The following TJP1 variants were observed in gnomAD, a reference collection of about 807,000 sequenced individuals.
The protein encoded by TJP1 is tight junction protein 1, also known as tight junction protein ZO-1.
Under a neutral mutation model 194.2 loss-of-function variants are expected in TJP1, and 43 were observed. The ratio of observed to expected loss-of-function variants is 0.22; its 90% CI spans 0.17 to 0.29. The LOEUF (loss-of-function observed/expected upper bound fraction) is 0.29. Among genes scored for constraint, TJP1 ranks in the 10% least tolerant of loss-of-function variants. TJP1 has a pLI of 1.00. For missense variants in TJP1, 1,971 were observed against 2,185.7 expected, an observed-to-expected ratio of 0.90 and a Z score of 1.96; for synonymous variants, 801 against 779.0, an observed-to-expected ratio of 1.03 and a Z score of -0.47.
At chr15:29,866,322 CT>C (rs2052301082) in intron 2 of TJP1, among the ~76,000 whole-genome samples, 1 of 152,208 alleles carries the variant, frequency 6.6e-6, no homozygotes. Flanking sequence ...AAGTCATTAA[CT>C]ATATTTACAG....
In TJP1 at chr15:29,744,329, G is replaced by A. The variant is rs116584078; in HGVS notation, c.1011-1548C>T. Among the ~76,000 whole-genome samples, 272 of 152,236 alleles carry A rather than the reference G, an allele frequency of 1.8e-3. 1 individual carries two copies. The highest frequency in any genetic ancestry group is 6.3e-3 in the African/African-American group (261 of 41,530). On this transcript the variant is annotated intron_variant, in intron 8 of 27. Coordinates refer to ENST00000614355, the MANE Select transcript of TJP1 (RefSeq NM_001330239.4). Reference sequence around the variant, plus strand: ...AATGGAAATTATCAAAACAAAAAATGTAACTAGGTCATACACTATAATTCC... The same window carrying A: ...AATGGAAATTATCAAAACAAAAAATATAACTAGGTCATACACTATAATTCC...
chr15:29,768,518 G>GT, intron 4 of TJP1, among the ~76,000 whole-genome samples: 1 of 152,282 alleles, frequency 6.6e-6, no homozygotes, highest in East Asian at 1.9e-4. Context: ...TATCATTCCT[G>GT]TAAGAGTGCG....
intron 1 of TJP1, among the ~76,000 whole-genome samples, chr15:29,814,035 T>C (rs951091834): frequency 6.6e-6 from 1 of 152,260 alleles, no homozygotes; most frequent in African/African-American, 2.4e-5. Flanking sequence ...AATTACTTTA[T>C]AATTCTTAAT....
At chr15:29,803,749 T>A (rs2048935729) in intron 1 of TJP1, among the ~76,000 whole-genome samples, 1 of 152,124 alleles carries the variant, frequency 6.6e-6, no homozygotes, top group South Asian at 2.1e-4. Flanking sequence ...AGAAACTTGC[T>A]TTGTACAAGG....
At chr15:29,817,271 A>C (rs2151980802) in intron 1 of TJP1, among the ~76,000 whole-genome samples, 1 of 152,324 alleles carries the variant, frequency 6.6e-6, no homozygotes, top group Admixed American at 6.5e-5. Context: ...GCAAATCAAA[A>C]CCACAATGAG....
chr15:29,720,394 T>G lies in TJP1; in HGVS notation c.2727A>C (p.Arg909Ser). The G allele has an allele frequency of 6.2e-7, 1 of 1,608,944 alleles. No homozygotes were observed. The highest frequency in any genetic ancestry group is 8.5e-7 in the Non-Finnish European group (1 of 1,177,394). The change falls in exon 19 of 28, where the codon AGA becomes AGC. Residue 909 changes from arginine (R) to serine (S), a missense_variant. By Grantham distance (110) the Arg-to-Ser change is moderately radical. Coordinates refer to ENST00000614355, the MANE Select transcript of TJP1 (RefSeq NM_001330239.4). ...SPQAQPQPIH[R>S]IDSPGFKPAS... ...CTGGCTTAAATCCAGGGGAGTCTATTCTATGAATTGGTTGTGGCTGCGCTT... is the reference window on the plus strand; with the variant it reads ...CTGGCTTAAATCCAGGGGAGTCTATGCTATGAATTGGTTGTGGCTGCGCTT...
chr15:29,938,864 C>T (rs1026358847), intron 2 of TJP1, among the ~76,000 whole-genome samples: 6 of 152,210 alleles, frequency 3.9e-5, no homozygotes, highest in Non-Finnish European at 7.3e-5. Flanking sequence ...GACTTGGCAA[C>T]GCTTCCTAAC....
At chr15:29,730,714 T>C (rs541892199) in intron 15 of TJP1, 3 of 764,966 alleles carry the variant, frequency 3.9e-6, no homozygotes, top group Non-Finnish European at 7.2e-6. Flanking sequence ...ACCGCCACCA[T>C]GCCCAAGAGA....
At chr15:29,737,645 T>TTAA (rs1350987447) in intron 10 of TJP1, among the ~76,000 whole-genome samples, 11 of 152,230 alleles carry the variant, frequency 7.2e-5, no homozygotes, top group African/African-American at 2.4e-4. Context: ...GCAAGTACTA[T>TTAA]TTTACATAAC....
intron 1 of TJP1, among the ~76,000 whole-genome samples, chr15:29,818,874 T>C (rs1478535505): frequency 6.6e-6 from 1 of 151,788 alleles, no homozygotes; most frequent in African/African-American, 2.4e-5. Flanking sequence ...TGTAGTGCAG[T>C]GGCCCCGATC....
chr15:29,742,412 A>T (rs1377007132), intron 9 of TJP1, among the ~76,000 whole-genome samples: 1 of 152,210 alleles, frequency 6.6e-6, no homozygotes, highest in African/African-American at 2.4e-5. Flanking sequence ...TAATTGCAAG[A>T]AGTTGTTAAT....
At chr15:29,794,807 A>G (rs1157170662) in intron 2 of TJP1, among the ~76,000 whole-genome samples, 1 of 152,220 alleles carries the variant, frequency 6.6e-6, no homozygotes. Context: ...TCTCGCTTCC[A>G]GTAAAAAAAA....
In TJP1 at chr15:29,766,290, G is replaced by A. The variant is rs776218069; in HGVS notation, c.565C>T (p.Leu189=). The change falls in exon 5 of 28, where the codon CTG becomes TTG. Residue 189 remains leucine, a synonymous_variant. Transcript: ENST00000614355. ...SQPAKPTKVT[L]VKSRKNEEYG... is the part of the protein sequence containing the mutation. Reference sequence around the variant, plus strand: ...CCTTCATTTTTCCGGGATTTCACCAGTGTGACTTTAGTAGGTTTAGCAGGC... The same window carrying A: ...CCTTCATTTTTCCGGGATTTCACCAATGTGACTTTAGTAGGTTTAGCAGGC... The A allele has an allele frequency of 5.6e-6, 9 of 1,612,908 alleles. No homozygotes were observed. The highest frequency in any genetic ancestry group is 6.8e-6 in the Non-Finnish European group (8 of 1,179,702).
intron 1 of TJP1, among the ~76,000 whole-genome samples, chr15:29,817,479 T>C (rs2050006341): frequency 6.6e-6 from 1 of 152,182 alleles, no homozygotes; most frequent in East Asian, 1.9e-4. Flanking sequence ...ATCCCATTAC[T>C]GGGTATATAC....
chr15:29,748,375 G>A lies in TJP1; in HGVS notation c.1011-5594C>T, dbSNP rs550034491. On this transcript the variant is annotated intron_variant, in intron 8 of 27. Transcript: ENST00000614355. ...TATGGTGTTGGACTATGCAGATCTA[G>A]AGTTACAGCACAAAATAAAATAATC... Among the ~76,000 whole-genome samples the A allele has an allele frequency of 1.2e-4, 18 of 152,216 alleles. No individual in the cohort carries two copies. The East Asian group carries it at 3.3e-3, about 28-fold the overall frequency.
Position 29,742,654 on chromosome 15 carries a change from G to C in TJP1, c.1138C>G (p.Pro380Ala). 6.3e-7 allele frequency: 1 copy of C among 1,582,394 alleles called. No homozygotes were observed. The highest frequency in any genetic ancestry group is 8.6e-7 in the Non-Finnish European group (1 of 1,166,766). ...VTVERNEKQT[P>A]SLPEPKPVYA... is the part of the protein sequence containing the mutation. Reference sequence around the variant, plus strand: ...TCGTTATGCTTACCTGGAAGAGAAGGTGTTTGTTTCTCATTTCTTTCAACT... The same window carrying C: ...TCGTTATGCTTACCTGGAAGAGAAGCTGTTTGTTTCTCATTTCTTTCAACT... The change falls in exon 9 of 28, where the codon CCT becomes GCT. Residue 380 changes from proline (P) to alanine (A), a missense_variant. Transcript: ENST00000614355.
At chr15:29,867,744 C>G (rs989428896) in intron 2 of TJP1, among the ~76,000 whole-genome samples, 1 of 152,060 alleles carries the variant, frequency 6.6e-6, no homozygotes, top group African/African-American at 2.4e-5. Context: ...ACAGTGAGAC[C>G]CTGTCCCTGC....
Position 29,822,418 on chromosome 15 carries a change from A to G in TJP1, c.-390T>C. 7 of 991,982 alleles carry G rather than the reference A, an allele frequency of 7.1e-6. No individual in the cohort carries two copies. The highest frequency in any genetic ancestry group is 1.7e-5 in the African/African-American group (1 of 57,602). 61.4% of individuals were successfully genotyped at this position (991,982 alleles called of 1,614,324 possible). On this transcript the variant is annotated 5_prime_UTR_variant, in exon 1 of 28. Transcript: ENST00000614355. ...AACTTCCCGGGAACCGGCGGCCGCC[A>G]AGGAACGCGGCGTCCGCTGGCTCAG...
At position 29,761,221 on chromosome 15, in the gene TJP1, G is replaced by C. The variant is rs771744842; in HGVS notation, c.928C>G (p.Arg310Gly). 1.2e-6 allele frequency: 2 copies of C among 1,614,102 alleles called. No homozygotes were observed. The highest frequency in any genetic ancestry group is 1.7e-6 in the Non-Finnish European group (2 of 1,180,012). Residue 310 changes from arginine (R) to glycine (G), a missense_variant, in exon 8 of 28, where the codon CGC becomes GGC. By Grantham distance (125) the Arg-to-Gly change is moderately radical. Transcript: ENST00000614355. ...SGRSHDRPPRRSRSRSPDQRS... is the reference protein window; with the variant it reads ...SGRSHDRPPRGSRSRSPDQRS... ...TGGTCAGGAGATCGTGACCGGCTGCGGCGGGGAGGCCTATCGTGTGATCGA... is the reference window on the plus strand; with the variant it reads ...TGGTCAGGAGATCGTGACCGGCTGCCGCGGGGAGGCCTATCGTGTGATCGA...
Sources: gnomAD v4.1 joint callset for allele counts (sites outside exome capture counted in the v4.1 genomes callset) on GRCh38, gnomAD v4.1.1 for gene constraint, MANE v1.5 for transcripts, NCBI Gene and HGNC (gene_info 2026-07-23, HGNC 2026-07-21) for gene names.